DCDC1: variants seen among roughly 807,000 people sequenced by gnomAD.
DCDC1 encodes doublecortin domain containing 1.
Under a neutral mutation model 178.3 loss-of-function variants are expected in DCDC1, and 200 were observed. The ratio of observed to expected loss-of-function variants is 1.12; its 90% CI spans 1.00 to 1.26. The LOEUF (loss-of-function observed/expected upper bound fraction) is 1.26. Ranked by LOEUF, DCDC1 falls within the 50% of genes most tolerant of loss-of-function variation. The pLI, the probability that DCDC1 is intolerant of heterozygous loss-of-function variation, is 0.00. For synonymous variants in DCDC1, 690 were observed against 604.8 expected, an observed-to-expected ratio of 1.14 and a Z score of -2.07; for missense variants, 1,983 against 1,749.2, an observed-to-expected ratio of 1.13 and a Z score of -2.38.
intron 36 of DCDC1, among the ~76,000 whole-genome samples, chr11:30,884,707 A>C (rs536066188): frequency 6.6e-6 from 1 of 152,196 alleles, no homozygotes; most frequent in East Asian, 1.9e-4. Flanking sequence ...GTAAACAAAA[A>C]AACTATAAAA....
chr11:30,925,231 G>T (rs1199036030), intron 23 of DCDC1, 78 bp downstream of exon 23: 9 of 1,232,624 alleles, frequency 7.3e-6, no homozygotes, highest in Non-Finnish European at 9.4e-6. Flanking sequence ...AGCATTTGAA[G>T]ACTTATATTT....
chr11:31,165,067 G>A (rs775079471), intron 9 of DCDC1, among the ~76,000 whole-genome samples: 1 of 152,094 alleles, frequency 6.6e-6, no homozygotes, highest in Non-Finnish European at 1.5e-5. Context: ...GAGCAAATAG[G>A]CTATACCACA....
intron 28 of DCDC1, 80 bp downstream of exon 28, chr11:30,911,247 C>A: frequency 9.5e-7 from 1 of 1,057,706 alleles, no homozygotes; most frequent in Non-Finnish European, 1.4e-6. Context: ...TTTTTTTTTT[C>A]CTCCACTACA....
intron 20 of DCDC1, among the ~76,000 whole-genome samples, chr11:30,978,538 G>T (rs1372011469): frequency 6.6e-6 from 1 of 151,928 alleles, no homozygotes; most frequent in Admixed American, 6.6e-5. Flanking sequence ...GTGATATTTT[G>T]TTCCATGCAT....
At chr11:31,029,210 G>T (rs1953456335) in intron 20 of DCDC1, among the ~76,000 whole-genome samples, 1 of 151,846 alleles carries the variant, frequency 6.6e-6, no homozygotes, top group Non-Finnish European at 1.5e-5. Flanking sequence ...AACTTCTAAG[G>T]CAAGAAATCA....
chr11:31,059,379 A>G (rs927615866), intron 20 of DCDC1, among the ~76,000 whole-genome samples: 12 of 152,202 alleles, frequency 7.9e-5, no homozygotes, highest in African/African-American at 2.6e-4. Context: ...TAATCAAAAA[A>G]CAAAATTATA....
intron 9 of DCDC1, among the ~76,000 whole-genome samples, chr11:31,189,596 C>A (rs1182256019): frequency 6.6e-6 from 1 of 152,178 alleles, no homozygotes; most frequent in Non-Finnish European, 1.5e-5. Context: ...CTGTAGGTTG[C>A]AGGGGAGAAC....
intron 9 of DCDC1, among the ~76,000 whole-genome samples, chr11:31,211,288 T>C (rs1245384868): frequency 6.6e-6 from 1 of 152,244 alleles, no homozygotes; most frequent in Non-Finnish European, 1.5e-5. Flanking sequence ...ATGTCTCAAC[T>C]GGCTATACTA....
intron 20 of DCDC1, among the ~76,000 whole-genome samples, chr11:31,042,142 A>G (rs1413842919): frequency 6.6e-6 from 1 of 152,206 alleles, no homozygotes; most frequent in African/African-American, 2.4e-5. Flanking sequence ...AATATGAAGC[A>G]TGGGGGTTGG....
intron 7 of DCDC1, among the ~76,000 whole-genome samples, chr11:31,289,616 A>G (rs1212887104): frequency 6.6e-6 from 1 of 152,092 alleles, no homozygotes; most frequent in Admixed American, 6.6e-5. Context: ...TCTTGATTTC[A>G]TAATAAAAAT....
intron 20 of DCDC1, among the ~76,000 whole-genome samples, chr11:31,054,245 A>G (rs1308038112): frequency 1.6e-5 from 1 of 60,760 alleles, no homozygotes; most frequent in Admixed American, 1.6e-4. Flanking sequence ...AGGAAAAAAG[A>G]AAAAAAAAAA....
intron 8 of DCDC1, among the ~76,000 whole-genome samples, chr11:31,252,546 A>C (rs1385691718): frequency 6.6e-6 from 1 of 152,092 alleles, no homozygotes. Flanking sequence ...AAGAGAGGGT[A>C]GGGCTGTTTT....
intron 22 of DCDC1, among the ~76,000 whole-genome samples, chr11:30,927,888 T>G (rs1001018646): frequency 1.3e-5 from 2 of 152,118 alleles, no homozygotes; most frequent in African/African-American, 4.8e-5. Flanking sequence ...TCATACCAAG[T>G]GCTCCAACCT....
At chr11:31,337,458 C>T (rs116035032) in intron 1 of DCDC1, among the ~76,000 whole-genome samples, 2,279 of 152,278 alleles carry the variant, frequency 0.015, 61 homozygotes, top group African/African-American at 0.053. Flanking sequence ...TGCTTGAGTC[C>T]GGGAGTTTGA....
chr11:31,178,837 C>T lies in DCDC1; in HGVS notation c.1222-41053G>A, dbSNP rs546574402. On this transcript the variant is annotated intron_variant, in intron 9 of 38. Transcript: ENST00000684477. ...CCTCCCGAGTAGGTAGGATTACAGG[C>T]GCCTGCCACCACACCTGGCTAATTT... 7.2e-5 allele frequency among the ~76,000 whole-genome samples: 11 copies of T among 152,116 alleles called. No homozygotes were observed. The East Asian group carries it at 1.2e-3, about 16-fold the overall frequency.
At chr11:30,962,285 T>A (rs181099593) in intron 20 of DCDC1, among the ~76,000 whole-genome samples, 1 of 152,054 alleles carries the variant, frequency 6.6e-6, no homozygotes, top group Non-Finnish European at 1.5e-5. Context: ...ACAGTTGAAA[T>A]TTGTTCATCT....
chr11:31,326,248 G>C (rs1949637600), intron 3 of DCDC1, among the ~76,000 whole-genome samples: 1 of 151,972 alleles, frequency 6.6e-6, no homozygotes, highest in Non-Finnish European at 1.5e-5. Context: ...CACATGAGAA[G>C]AAAGACTGAC....
At position 31,307,629 on chromosome 11, in the gene DCDC1, C is replaced by T. The variant is rs1374557767; in HGVS notation, c.434+10G>A. 7 of 1,613,412 alleles carry T rather than the reference C, an allele frequency of 4.3e-6. No individual in the cohort carries two copies. Among genetic ancestry groups the T allele is most frequent in the Non-Finnish European group, 5.1e-6 (6 of 1,179,562 alleles). ...ATAGGTTAAAAAGAACAGAGAACAG[C>T]TTTGATTACCTCAGTTGACCCACTG... On this transcript the variant is annotated intron_variant, in intron 4 of 38. Coordinates refer to ENST00000684477, the MANE Select transcript of DCDC1 (RefSeq NM_001387274.1).
At chr11:30,906,767 A>C (rs776635286) in intron 29 of DCDC1, 42 bp from the exon 30 acceptor site, 1 of 1,559,914 alleles carries the variant, frequency 6.4e-7, no homozygotes, top group Non-Finnish European at 8.7e-7. Flanking sequence ...GGAGCATCTA[A>C]ATTGTTATAG....
Sources: allele counts gnomAD v4.1 joint callset (sites outside exome capture counted in the v4.1 genomes callset), GRCh38; gene constraint gnomAD v4.1.1; transcripts MANE v1.5; gene names NCBI Gene and HGNC (gene_info 2026-07-23, HGNC 2026-07-21).